ROBO2: variants seen among roughly 807,000 people sequenced by gnomAD.
The protein encoded by ROBO2 is roundabout guidance receptor 2.
Under a neutral mutation model 160.8 loss-of-function variants are expected in ROBO2, and 53 were observed. The observed-to-expected ratio is 0.33, with a 90% CI of 0.26 to 0.41. The LOEUF (loss-of-function observed/expected upper bound fraction) is 0.41, where lower values mean the gene tolerates loss of function less well. Ranked by LOEUF, ROBO2 falls within the 10% of genes least tolerant of loss-of-function variation. The pLI, the probability that ROBO2 is intolerant of heterozygous loss-of-function variation, is 1.00. For missense variants in ROBO2, 1,577 were observed against 1,722.4 expected (o/e 0.92, Z 1.49); for synonymous variants, 664 against 611.7 (o/e 1.09, Z -1.26).
At chr3:75,950,887 G>A (rs929341159) in intron 2 of ROBO2, among the ~76,000 whole-genome samples, 3 of 152,166 alleles carry the variant, frequency 2.0e-5, no homozygotes, top group Admixed American at 1.3e-4. Context: ...TGAGCTGACA[G>A]GATAGGCTGT....
intron 2 of ROBO2, among the ~76,000 whole-genome samples, chr3:76,840,676 A>ATATATATAT (rs1559586498): frequency 1.6e-4 from 22 of 138,650 alleles, no homozygotes; most frequent in African/African-American, 5.7e-4. Context: ...TATATATATA[A>ATATATATAT]GATGAAGTAA....
chr3:76,939,628 C>T (rs2078018410), intron 2 of ROBO2, among the ~76,000 whole-genome samples: 1 of 151,934 alleles, frequency 6.6e-6, no homozygotes, highest in Admixed American at 6.6e-5. Flanking sequence ...AAAGAATGTA[C>T]AAATTATTAG....
intron 2 of ROBO2, among the ~76,000 whole-genome samples, chr3:76,575,937 A>G (rs2085261843): frequency 6.6e-6 from 1 of 151,966 alleles, no homozygotes; most frequent in African/African-American, 2.4e-5. Flanking sequence ...AGGTGCTCTC[A>G]AGTTCTTAGT....
chr3:76,613,051 A>G (rs1381560507), intron 2 of ROBO2, among the ~76,000 whole-genome samples: 1 of 151,962 alleles, frequency 6.6e-6, no homozygotes, highest in Non-Finnish European at 1.5e-5. Flanking sequence ...TTTTGTTTTA[A>G]TTCATTCAGC....
chr3:76,228,909 C>T (rs1440305938), intron 2 of ROBO2, among the ~76,000 whole-genome samples: 2 of 152,120 alleles, frequency 1.3e-5, no homozygotes, highest in Non-Finnish European at 2.9e-5. Flanking sequence ...CTACTTGTGA[C>T]GCTGAGATGG....
intron 2 of ROBO2, among the ~76,000 whole-genome samples, chr3:76,803,464 AAAGG>A (rs200274045): frequency 5.5e-4 from 27 of 49,164 alleles, no homozygotes; most frequent in South Asian, 2.8e-3. Context: ...AGGAAGGAAG[AAAGG>A]AAGGAAGGGA....
At chr3:76,802,094 T>C (rs2064243813) in intron 2 of ROBO2, among the ~76,000 whole-genome samples, 1 of 152,120 alleles carries the variant, frequency 6.6e-6, no homozygotes. Flanking sequence ...CAGCTCACCA[T>C]AATAAACGAA....
rs553779291 is a variant in ROBO2 at position 77,289,545 on chromosome 3, A to G, written c.389-187869A>G. Among the ~76,000 whole-genome samples, 17 of 152,020 alleles carry G rather than the reference A, an allele frequency of 1.1e-4. No homozygotes were observed. In the East Asian group the frequency reaches 2.5e-3, roughly 23 times the overall value. ...GCTGAGGCTAGATCACCCCAGACAT[A>G]AAGTAAAATTGACAGTTAAACGGGT... is the stretch of plus-strand genomic sequence containing the variant. On this transcript the variant is annotated intron_variant, in intron 2 of 25. Transcript: ENST00000461745.
At chr3:76,111,569 T>G (rs2070232487) in intron 2 of ROBO2, among the ~76,000 whole-genome samples, 2 of 152,070 alleles carry the variant, frequency 1.3e-5, no homozygotes, top group Non-Finnish European at 2.9e-5. Context: ...GGCTTTCTAT[T>G]TCTGCCCATT....
rs537869210 is a variant in ROBO2 at position 76,423,696 on chromosome 3, G to A, written c.109+486094G>A. Among the ~76,000 whole-genome samples, 8 of 152,266 alleles carry A rather than the reference G, an allele frequency of 5.3e-5. No homozygotes were observed. The South Asian group carries it at 1.7e-3, about 32-fold the overall frequency. ...CAAGGTATAATCTTAGGGAGTTGGA[G>A]GGAGGAGGTTAAAGCAAGTGAAGAT... On this transcript the variant is annotated intron_variant, in intron 2 of 26. Transcript: ENST00000487694.
intron 2 of ROBO2, among the ~76,000 whole-genome samples, chr3:76,418,504 T>G (rs1047254577): frequency 1.3e-5 from 2 of 152,130 alleles, no homozygotes. Flanking sequence ...CTCCCAAGTG[T>G]TGGGATTACA....
intron 2 of ROBO2, among the ~76,000 whole-genome samples, chr3:76,973,770 A>C (rs892135598): frequency 6.6e-6 from 1 of 152,180 alleles, no homozygotes; most frequent in Non-Finnish European, 1.5e-5. Flanking sequence ...AAAGATAATA[A>C]AAGATGAATT....
At chr3:77,107,600 G>T (rs549345047) in intron 2 of ROBO2, among the ~76,000 whole-genome samples, 1 of 152,310 alleles carries the variant, frequency 6.6e-6, no homozygotes, top group South Asian at 2.1e-4. Flanking sequence ...ATCAAGAGAT[G>T]ATTTAATATA....
intron 2 of ROBO2, among the ~76,000 whole-genome samples, chr3:76,784,873 C>T (rs1330813979): frequency 6.6e-6 from 1 of 151,244 alleles, no homozygotes; most frequent in Non-Finnish European, 1.5e-5. Flanking sequence ...AAACATGGGC[C>T]TTCTAGGTAT....
At chr3:76,302,549 G>A (rs1465619066) in intron 2 of ROBO2, among the ~76,000 whole-genome samples, 3 of 152,092 alleles carry the variant, frequency 2.0e-5, no homozygotes, top group African/African-American at 7.2e-5. Context: ...GTTTTGGTCA[G>A]TGATAGATCC....
intron 2 of ROBO2, among the ~76,000 whole-genome samples, chr3:76,416,710 G>A (rs998283317): frequency 3.3e-5 from 5 of 152,224 alleles, no homozygotes; most frequent in East Asian, 1.9e-4. Context: ...AGCTTTAGAC[G>A]AAGTGATTTG....
At chr3:76,146,396 T>G (rs1197995815) in intron 2 of ROBO2, among the ~76,000 whole-genome samples, 1 of 151,896 alleles carries the variant, frequency 6.6e-6, no homozygotes, top group Non-Finnish European at 1.5e-5. Context: ...ATATCTCTAC[T>G]CATTTCTCAA....
chr3:77,190,386 G>C (rs1037128145), intron 2 of ROBO2, among the ~76,000 whole-genome samples: 3 of 151,910 alleles, frequency 2.0e-5, no homozygotes, highest in African/African-American at 4.8e-5. Flanking sequence ...ATTCTTAACT[G>C]TTGCACCAGA....
intron 2 of ROBO2, among the ~76,000 whole-genome samples, chr3:75,980,639 A>G (rs533546092): frequency 2.0e-5 from 3 of 151,664 alleles, no homozygotes; most frequent in African/African-American, 2.4e-5. Flanking sequence ...TATAAATTAC[A>G]TAAAGCATCT....
Sources: allele counts gnomAD v4.1 joint callset (sites outside exome capture counted in the v4.1 genomes callset), GRCh38; gene constraint gnomAD v4.1.1; transcripts MANE v1.5; gene names NCBI Gene and HGNC (gene_info 2026-07-23, HGNC 2026-07-21).